L3MBTL4: variants seen among roughly 807,000 people sequenced by gnomAD.
L3MBTL4 encodes the protein lethal(3)malignant brain tumor-like protein 4.
In L3MBTL4, 70 loss-of-function variants were observed where a neutral mutation model predicts 84.5. The ratio of observed to expected loss-of-function variants is 0.83; its 90% CI spans 0.68 to 1.01. The LOEUF (loss-of-function observed/expected upper bound fraction) is 1.01, where lower values mean the gene tolerates loss of function less well. L3MBTL4 is among the 50% of genes least tolerant of loss of function. The probability of loss-of-function intolerance (pLI) is 0.00; values close to 1 mark genes in which losing one functional copy is unlikely to be tolerated. For synonymous variants in L3MBTL4, 274 were observed against 259.8 expected, an observed-to-expected ratio of 1.05 and a Z score of -0.52; for missense variants, 715 against 754.8, an observed-to-expected ratio of 0.95 and a Z score of 0.62.
intron 13 of L3MBTL4, among the ~76,000 whole-genome samples, chr18:6,163,278 T>TGG (rs2043448514): frequency 9.4e-6 from 1 of 106,284 alleles, no homozygotes; most frequent in Non-Finnish European, 1.8e-5. Context: ...GGTGGGTGTG[T>TGG]GTGTGTGTGT....
chr18:6,201,171 T>C (rs1171430175), intron 12 of L3MBTL4, among the ~76,000 whole-genome samples: 1 of 152,166 alleles, frequency 6.6e-6, no homozygotes, highest in Admixed American at 6.5e-5. Flanking sequence ...TAATCTAATG[T>C]CAGATAACCA....
intron 5 of L3MBTL4, among the ~76,000 whole-genome samples, chr18:6,251,022 A>G (rs2047900905): frequency 6.6e-6 from 1 of 152,242 alleles, no homozygotes; most frequent in African/African-American, 2.4e-5. Flanking sequence ...ACTCTTTGAC[A>G]AAATTTGATG....
At chr18:6,258,838 G>C (rs2048271386) in intron 5 of L3MBTL4, 1 of 152,432 alleles carries the variant, frequency 6.6e-6, no homozygotes, top group Non-Finnish European at 1.5e-5. Context: ...GGAGGGGAGA[G>C]AGCAGAGGGA....
chr18:6,198,318 T>C (rs1364118288), intron 12 of L3MBTL4, among the ~76,000 whole-genome samples: 1 of 152,166 alleles, frequency 6.6e-6, no homozygotes, highest in African/African-American at 2.4e-5. Flanking sequence ...ATTCCCTGTT[T>C]ATAGTAAGAT....
chr18:6,380,697 C>T (rs1019331958), intron 1 of L3MBTL4, among the ~76,000 whole-genome samples: 1 of 151,924 alleles, frequency 6.6e-6, no homozygotes, highest in African/African-American at 2.4e-5. Flanking sequence ...TATTATGCTT[C>T]CCATTCTTTT....
At chr18:6,385,532 T>C (rs1400614080) in intron 1 of L3MBTL4, among the ~76,000 whole-genome samples, 1 of 152,206 alleles carries the variant, frequency 6.6e-6, no homozygotes, top group African/African-American at 2.4e-5. Flanking sequence ...ACATGTCCAA[T>C]GAGGTTCTAG....
Position 5,972,892 on chromosome 18 carries a change from G to GAGAATAGAAT in L3MBTL4, c.1445-3340_1445-3331dup, listed in dbSNP as rs5822882. ...TAGAATAGAATAGAATAGAACAGAAGAGAATAGAATAGAATAGAATAGAAT... is the reference window on the plus strand; with the variant it reads ...TAGAATAGAATAGAATAGAACAGAAGAGAATAGAATAGAATAGAATAGAATAGAATAGAAT... On this transcript the variant is annotated intron_variant, in intron 16 of 18. Coordinates refer to ENST00000317931, the MANE Select transcript of L3MBTL4 (RefSeq NM_001330559.2). 2.0e-3 allele frequency among the ~76,000 whole-genome samples: 263 copies of GAGAATAGAAT among 132,076 alleles called. 9 individuals are homozygous for GAGAATAGAAT. The highest frequency in any genetic ancestry group is 4.0e-3 in the Middle Eastern group (1 of 248). The allele number at this position is 132,076 out of a possible 152,430, so 86.6% of individuals were successfully genotyped here.
chr18:6,153,047 A>G lies in L3MBTL4; in HGVS notation c.1097-14751T>C, dbSNP rs145070064. Among the ~76,000 whole-genome samples, 3 of 152,236 alleles carry G rather than the reference A, an allele frequency of 2.0e-5. No homozygotes were observed. The East Asian group carries it at 5.8e-4, about 29-fold the overall frequency. On this transcript the variant is annotated intron_variant, in intron 13 of 18. Transcript: ENST00000317931. The stretch of plus-strand genomic sequence containing the variant: ...TGTCAAAGATTACTTGACCATATAC[A>G]TGGGTTTATTTCTGGGCTTTCTTCT...
chr18:6,381,249 GA>G (rs1193964090), intron 1 of L3MBTL4, among the ~76,000 whole-genome samples: 5 of 152,116 alleles, frequency 3.3e-5, no homozygotes, highest in African/African-American at 1.2e-4. Flanking sequence ...TGGGCCTCCT[GA>G]ATACAGCACA....
chr18:6,099,091 G>A (rs1376005500), intron 14 of L3MBTL4, among the ~76,000 whole-genome samples: 2 of 152,188 alleles, frequency 1.3e-5, no homozygotes, highest in Non-Finnish European at 2.9e-5. Flanking sequence ...CTCTTTCGGA[G>A]GATTCTGGGA....
At chr18:6,153,284 G>T (rs1306941179) in intron 13 of L3MBTL4, among the ~76,000 whole-genome samples, 1 of 152,120 alleles carries the variant, frequency 6.6e-6, no homozygotes, top group African/African-American at 2.4e-5. Flanking sequence ...GATACAGATT[G>T]CACTGAATCT....
chr18:5,960,560 C>G (rs1598287365), intron 17 of L3MBTL4: 1 of 153,016 alleles, frequency 6.5e-6, no homozygotes, highest in East Asian at 1.9e-4. Context: ...AAGGCAGACC[C>G]GAAGGCAAGG....
intron 12 of L3MBTL4, among the ~76,000 whole-genome samples, chr18:6,185,960 CT>C (rs1555682201): frequency 7.5e-5 from 11 of 145,778 alleles, no homozygotes; most frequent in African/African-American, 3.0e-4. Flanking sequence ...AGGGCACTTT[CT>C]TTATTTTATT....
At chr18:6,031,550 G>A (rs567477086) in intron 16 of L3MBTL4, 44 of 963,244 alleles carry the variant, frequency 4.6e-5, no homozygotes, top group Middle Eastern at 5.2e-4. Flanking sequence ...CAGGTGGGCC[G>A]GTCAGTTCTG....
chr18:5,969,136 G>A (rs2052503431), intron 17 of L3MBTL4, among the ~76,000 whole-genome samples: 1 of 152,066 alleles, frequency 6.6e-6, no homozygotes, highest in Non-Finnish European at 1.5e-5. Flanking sequence ...GATAGCTCTG[G>A]GCCTCGGGGG....
chr18:6,216,738 C>A (rs2046343787), intron 10 of L3MBTL4, among the ~76,000 whole-genome samples: 1 of 151,974 alleles, frequency 6.6e-6, no homozygotes, highest in African/African-American at 2.4e-5. Flanking sequence ...TTTCTAGAAA[C>A]CAATTATAAT....
At chr18:6,340,195 G>C (rs183225256) in intron 1 of L3MBTL4, among the ~76,000 whole-genome samples, 116 of 152,218 alleles carry the variant, frequency 7.6e-4, no homozygotes, top group African/African-American at 2.5e-3. Flanking sequence ...TGGCAGAATA[G>C]CAAATGCCAG....
intron 12 of L3MBTL4, among the ~76,000 whole-genome samples, chr18:6,206,604 T>C (rs914539796): frequency 2.6e-5 from 4 of 152,152 alleles, no homozygotes; most frequent in Non-Finnish European, 5.9e-5. Context: ...ATGCTGACTT[T>C]AATAAAAATG....
chr18:6,363,692 T>C (rs2053812000), intron 1 of L3MBTL4, among the ~76,000 whole-genome samples: 1 of 152,146 alleles, frequency 6.6e-6, no homozygotes, highest in African/African-American at 2.4e-5. Context: ...GAGGAACGAA[T>C]TGAAGTTTAC....
Sources: gnomAD v4.1 joint callset for allele counts (sites outside exome capture counted in the v4.1 genomes callset) on GRCh38, gnomAD v4.1.1 for gene constraint, MANE v1.5 for transcripts, NCBI Gene and HGNC (gene_info 2026-07-23, HGNC 2026-07-21) for gene names.